Variants in EBF4 observed in about 807,000 individuals in gnomAD.
EBF4 encodes transcription factor COE4.
Under a neutral mutation model 67.1 loss-of-function variants are expected in EBF4, and 34 were observed. The ratio of observed to expected loss-of-function variants is 0.51; its 90% CI spans 0.39 to 0.67. The LOEUF is 0.67. EBF4 is among the 30% of genes least tolerant of loss of function. The pLI, the probability that EBF4 is intolerant of heterozygous loss-of-function variation, is 0.00. For synonymous variants in EBF4, 387 were observed against 377.7 expected (o/e 1.02, Z -0.29); for missense variants, 837 against 873.3 (o/e 0.96, Z 0.52).
rs1381677451 is a variant in EBF4 at position 2,751,945 on chromosome 20, C to T, written c.1131C>T (p.Ala377=). The T allele has an allele frequency of 6.5e-7, 1 of 1,549,160 alleles. No homozygotes were observed. Among genetic ancestry groups the T allele is most frequent in the Non-Finnish European group, 8.7e-7 (1 of 1,146,762 alleles). Residue 377 remains alanine (A), a synonymous_variant, in exon 12 of 17, where the codon GCC becomes GCT. Coordinates refer to ENST00000609451, the Ensembl canonical transcript of EBF4. The surrounding 1 kb of genome is among the most constrained non-coding windows in gnomAD (Gnocchi z 5.2). The stretch of plus-strand genomic sequence containing the variant: ...AGGAAGTGCTGCTGAAGCGGGCGGC[C>T]GACTTGGCAGAAGCCCTGTACGGAG...
chr20:2,746,321 T>C (rs1261268771), intron 6 of EBF4, among the ~76,000 whole-genome samples: 1 of 152,060 alleles, frequency 6.6e-6, no homozygotes, highest in Non-Finnish European at 1.5e-5. Context: ...GTGACTACTG[T>C]TTGGGGGCAT....
At chr20:2,736,957 T>C (rs1459806928) in intron 6 of EBF4, among the ~76,000 whole-genome samples, 4 of 151,914 alleles carry the variant, frequency 2.6e-5, no homozygotes, top group Non-Finnish European at 5.9e-5. Flanking sequence ...CATAGAAAAT[T>C]GGGGGAAGAG....
intron 6 of EBF4, among the ~76,000 whole-genome samples, chr20:2,734,976 G>T (rs77155615): frequency 1.1e-4 from 16 of 152,272 alleles, no homozygotes; most frequent in Non-Finnish European, 1.9e-4. Context: ...AGATCTCCAG[G>T]AATATGTCAG....
intron 6 of EBF4, among the ~76,000 whole-genome samples, chr20:2,741,665 G>C (rs898136781): frequency 4.6e-5 from 7 of 152,084 alleles, no homozygotes; most frequent in Non-Finnish European, 1.0e-4. Context: ...TGGTAAGGTG[G>C]GTGTGTGGGT....
chr20:2,729,680 C>T (rs185009800), intron 6 of EBF4, among the ~76,000 whole-genome samples: 268 of 152,236 alleles, frequency 1.8e-3, no homozygotes, highest in African/African-American at 4.8e-3. Flanking sequence ...CATAGGTGGT[C>T]CAGCAGCTAC....
intron 12 of EBF4, 42 bp downstream of exon 12, chr20:2,752,029 C>T (rs1351686218): frequency 1.3e-6 from 2 of 1,506,682 alleles, no homozygotes; most frequent in South Asian, 1.3e-5. Context: ...GGACCGGGGC[C>T]CCCCAGCACG....
chr20:2,719,224 C>G (rs1433206227), intron 6 of EBF4, among the ~76,000 whole-genome samples: 3 of 152,106 alleles, frequency 2.0e-5, no homozygotes, highest in Non-Finnish European at 4.4e-5. Context: ...TCCTAAATAG[C>G]TGTGACTACA....
In EBF4 at chr20:2,747,486, A is replaced by G. The variant is rs1479728724; in HGVS notation, c.558-1063A>G. 6.6e-6 allele frequency among the ~76,000 whole-genome samples: 1 copy of G among 152,132 alleles called. No individual in the cohort carries two copies. The highest frequency in any genetic ancestry group is 1.5e-5 in the Non-Finnish European group (1 of 68,020). ...CTAAAAAGCAACCTCATCAGCGCATATGTGTTTTTTTCCCAATAACTCTAT... is the reference window on the plus strand; with the variant it reads ...CTAAAAAGCAACCTCATCAGCGCATGTGTGTTTTTTTCCCAATAACTCTAT... On this transcript the variant is annotated intron_variant, in intron 6 of 16. Transcript: ENST00000609451. This position sits in a 1 kb window ranked among gnomAD's most constrained non-coding sequence, Gnocchi z 4.6.
chr20:2,753,961 C>CCCCCTTGGTTCTGAAACTTT (rs3842432), intron 14 of EBF4, among the ~76,000 whole-genome samples: 1 of 151,404 alleles, frequency 6.6e-6, no homozygotes, highest in Non-Finnish European at 1.5e-5. Flanking sequence ...TCTGTGGGCA[C>CCCCCTTGGTTCTGAAACTTT]CCCCTTGGGC....
At position 2,707,223 on chromosome 20, in the gene EBF4, G is replaced by C. The variant is rs1467998930; in HGVS notation, c.415-724G>C. Among the ~76,000 whole-genome samples the C allele has an allele frequency of 6.6e-6, 1 of 152,088 alleles. No individual in the cohort carries two copies. The highest frequency in any genetic ancestry group is 1.5e-5 in the Non-Finnish European group (1 of 68,020). On this transcript the variant is annotated intron_variant, in intron 4 of 16. Coordinates refer to ENST00000609451, the Ensembl canonical transcript of EBF4. This position sits in a 1 kb window ranked among gnomAD's most constrained non-coding sequence, Gnocchi z 4.6. The stretch of plus-strand genomic sequence containing the variant: ...AGGCCAGGCAGTGCCTAGTGGAACT[G>C]TCAAGGGGACGGGTGTGGAAGGGGT...
rs532977329 is a variant in EBF4 at position 2,739,992 on chromosome 20, G to A, written c.558-8557G>A. On this transcript the variant is annotated intron_variant, in intron 6 of 16. Coordinates refer to ENST00000609451, the Ensembl canonical transcript of EBF4. This position sits in a 1 kb window ranked among gnomAD's most constrained non-coding sequence, Gnocchi z 4.5. ...CTGCACTGTCCAATATGGTAGTCTC[G>A]AGCCACATGTGACTATTTAGATTTA... Among the ~76,000 whole-genome samples the A allele has an allele frequency of 3.3e-5, 5 of 152,276 alleles. No homozygotes were observed. Among genetic ancestry groups the A allele is most frequent in the South Asian group, 4.1e-4 (2 of 4,822 alleles).
At chr20:2,754,103 C>T (rs2088200324) in intron 14 of EBF4, among the ~76,000 whole-genome samples, 1 of 152,210 alleles carries the variant, frequency 6.6e-6, no homozygotes, top group African/African-American at 2.4e-5. Context: ...TCTAGAGCTG[C>T]TTAAACCCAG....
At chr20:2,731,243 A>G (rs1268561471) in intron 6 of EBF4, among the ~76,000 whole-genome samples, 2 of 152,186 alleles carry the variant, frequency 1.3e-5, no homozygotes, top group African/African-American at 2.4e-5. Context: ...ATGTGCTGTG[A>G]CAAAGAATCC....
At chr20:2,704,491 C>T (rs183342898) in intron 1 of EBF4, among the ~76,000 whole-genome samples, 14 of 152,302 alleles carry the variant, frequency 9.2e-5, no homozygotes, top group Admixed American at 1.3e-4. Flanking sequence ...CCTTTCACTT[C>T]GCTTTTTGAC....
chr20:2,707,589 G>A lies in EBF4; in HGVS notation c.415-358G>A, dbSNP rs2087476779. ...ATGCACACAGGAGGATGCTGGGGGA[G>A]GGGAGGGGCCTGGTGCTGGGTGGGC... is the stretch of plus-strand genomic sequence containing the variant. On this transcript the variant is annotated intron_variant, in intron 4 of 16. Transcript: ENST00000609451. The surrounding 1 kb of genome is among the most constrained non-coding windows in gnomAD (Gnocchi z 4.6). Among the ~76,000 whole-genome samples the A allele has an allele frequency of 6.6e-6, 1 of 152,128 alleles. No individual in the cohort carries two copies. The highest frequency in any genetic ancestry group is 1.5e-5 in the Non-Finnish European group (1 of 68,016).
At chr20:2,728,881 TAGTATTA>T (rs1271879129) in intron 6 of EBF4, among the ~76,000 whole-genome samples, 2 of 152,116 alleles carry the variant, frequency 1.3e-5, no homozygotes, top group Non-Finnish European at 2.9e-5. Flanking sequence ...CAGATCACCA[TAGTATTA>T]ATACTCTGTG....
chr20:2,752,023 C>T (rs926014366), intron 12 of EBF4, 36 bp downstream of exon 12: 30 of 1,526,110 alleles, frequency 2.0e-5, no homozygotes, highest in Non-Finnish European at 2.5e-5. Flanking sequence ...CCGCCGGGAC[C>T]GGGGCCCCCC....
chr20:2,732,274 C>T (rs2087823594), intron 6 of EBF4, among the ~76,000 whole-genome samples: 1 of 152,060 alleles, frequency 6.6e-6, no homozygotes, highest in East Asian at 1.9e-4. Flanking sequence ...GTGCATGCCA[C>T]CACACCCAGT....
chr20:2,705,473 T>C, intron 1 of EBF4, 104 bp from the exon 2 acceptor site: 1 of 1,496,330 alleles, frequency 6.7e-7, no homozygotes, highest in Non-Finnish European at 9.1e-7. Context: ...ACTCTTGGCA[T>C]CTTGGAGCCA....
Sources: gnomAD v4.1 joint callset for allele counts (sites outside exome capture counted in the v4.1 genomes callset) on GRCh38, gnomAD v4.1.1 for gene constraint, Gnocchi (gnomAD v3.1) non-coding constraint, MANE v1.5 for transcripts, NCBI Gene and HGNC (gene_info 2026-07-23, HGNC 2026-07-21) for gene names.